Variants in SUMF1 observed in about 807,000 individuals in gnomAD.
SUMF1 encodes sulfatase modifying factor 1, also known as formylglycine-generating enzyme.
Under a neutral mutation model 47.6 loss-of-function variants are expected in SUMF1, and 48 were observed. That is an observed-to-expected ratio of 1.01 (90% CI 0.80 to 1.28). SUMF1 has a LOEUF of 1.28. SUMF1 is among the 50% of genes most tolerant of loss of function. The probability of loss-of-function intolerance (pLI) is 0.00; values close to 1 mark genes in which losing one functional copy is unlikely to be tolerated. For missense variants in SUMF1, 571 were observed against 485.4 expected (o/e 1.18, Z -1.66); for synonymous variants, 230 against 192.1 (o/e 1.20, Z -1.63).
intron 9 of SUMF1, among the ~76,000 whole-genome samples, chr3:4,046,001 T>C (rs1439125204): frequency 6.6e-6 from 1 of 152,116 alleles, no homozygotes; most frequent in Non-Finnish European, 1.5e-5. Flanking sequence ...TATTGAGCTA[T>C]GATTGCACCA....
intron 8 of SUMF1, among the ~76,000 whole-genome samples, chr3:4,086,215 GA>G (rs140931896): frequency 0.03 from 3,021 of 102,280 alleles, 75 homozygotes; most frequent in African/African-American, 0.068. Context: ...CTTAGAATCA[GA>G]AAAAAAAAAA....
At chr3:4,284,097 G>C (rs1018752287) in intron 8 of SUMF1, among the ~76,000 whole-genome samples, 1 of 152,070 alleles carries the variant, frequency 6.6e-6, no homozygotes, top group African/African-American at 2.4e-5. Flanking sequence ...TATCAAGGAG[G>C]AGCTAAGAAC....
chr3:4,166,220 G>A (rs948726384), intron 8 of SUMF1, among the ~76,000 whole-genome samples: 1 of 152,094 alleles, frequency 6.6e-6, no homozygotes, highest in Non-Finnish European at 1.5e-5. Flanking sequence ...TCCCCTGTTA[G>A]TACTGGGACC....
chr3:4,335,096 AAG>A (rs1366906271), intron 8 of SUMF1, among the ~76,000 whole-genome samples: 1 of 152,146 alleles, frequency 6.6e-6, no homozygotes, highest in Non-Finnish European at 1.5e-5. Flanking sequence ...CAGTTGACAT[AAG>A]AGGGGACCAG....
At chr3:4,142,344 T>A (rs1355173910) in intron 8 of SUMF1, among the ~76,000 whole-genome samples, 1 of 152,176 alleles carries the variant, frequency 6.6e-6, no homozygotes, top group Non-Finnish European at 1.5e-5. Context: ...CTGAGAGACA[T>A]TTGACACATT....
chr3:4,178,848 G>C (rs1695030465), intron 8 of SUMF1, among the ~76,000 whole-genome samples: 1 of 152,078 alleles, frequency 6.6e-6, no homozygotes, highest in Admixed American at 6.6e-5. Context: ...CAAAGTCTCA[G>C]GATACAAAAT....
chr3:4,144,612 G>A (rs1337898202), intron 8 of SUMF1, among the ~76,000 whole-genome samples: 1 of 152,068 alleles, frequency 6.6e-6, no homozygotes, highest in African/African-American at 2.4e-5. Context: ...TAATGGGAAA[G>A]GTTAATGCCT....
chr3:4,381,689 G>A (rs754390435), intron 7 of SUMF1, among the ~76,000 whole-genome samples: 1 of 152,186 alleles, frequency 6.6e-6, no homozygotes, highest in Non-Finnish European at 1.5e-5. Context: ...AGTTATGAGT[G>A]AATGTTCTTT....
chr3:4,316,439 G>A (rs372296508), intron 8 of SUMF1: 3 of 1,598,544 alleles, frequency 1.9e-6, no homozygotes, highest in African/African-American at 2.7e-5. Context: ...ACAACGACCA[G>A]TTGAGAGCAA....
intron 8 of SUMF1, among the ~76,000 whole-genome samples, chr3:4,266,297 A>C (rs1013879592): frequency 1.3e-5 from 2 of 151,842 alleles, no homozygotes; most frequent in African/African-American, 4.8e-5. Context: ...GGGGATGGCA[A>C]TGAATCTATA....
chr3:4,442,211 T>C (rs1041828316), intron 3 of SUMF1, among the ~76,000 whole-genome samples: 3 of 151,128 alleles, frequency 2.0e-5, no homozygotes, highest in Non-Finnish European at 4.4e-5. Context: ...AAGGGGCCCA[T>C]GGTAAGAACG....
chr3:4,078,510 A>T (rs57347845), intron 8 of SUMF1, among the ~76,000 whole-genome samples: 8,158 of 152,188 alleles, frequency 0.054, 578 homozygotes, highest in East Asian at 0.19. Flanking sequence ...TAAAAAAATG[A>T]ATAATGCAAT....
intron 1 of SUMF1, among the ~76,000 whole-genome samples, chr3:4,465,745 C>T (rs2079927950): frequency 6.6e-6 from 1 of 152,294 alleles, no homozygotes; most frequent in African/African-American, 2.4e-5. Context: ...AAATCATGGT[C>T]CTGACCCCAT....
intron 8 of SUMF1, among the ~76,000 whole-genome samples, chr3:4,246,996 A>G (rs1696686279): frequency 6.6e-6 from 1 of 152,296 alleles, no homozygotes; most frequent in African/African-American, 2.4e-5. Flanking sequence ...CTTTAAGTAT[A>G]TATCCTGTAC....
In SUMF1 at chr3:4,348,745, C is replaced by T. The variant is rs550832922; in HGVS notation, c.1014+27585G>A. ...AAAAAATTAGCCAGGTGTGGTGGCA[C>T]ATGCCTGTAATCCCAGCTACTCGGG... On this transcript the variant is annotated intron_variant and NMD_transcript_variant, in intron 8 of 12. Transcript: ENST00000448413. Among the ~76,000 whole-genome samples the T allele has an allele frequency of 5.9e-5, 9 of 151,796 alleles. No individual in the cohort carries two copies. The East Asian group carries it at 1.4e-3, about 23-fold the overall frequency.
chr3:4,414,033 T>A (rs1701628810), intron 6 of SUMF1, among the ~76,000 whole-genome samples: 1 of 152,056 alleles, frequency 6.6e-6, no homozygotes. Context: ...CCGGCTAATT[T>A]TTCTGTATTT....
intron 8 of SUMF1, among the ~76,000 whole-genome samples, chr3:4,367,682 C>T (rs1356395890): frequency 1.3e-5 from 2 of 152,134 alleles, no homozygotes; most frequent in Non-Finnish European, 2.9e-5. Context: ...AATAACGCCG[C>T]ATGTCTACAA....
chr3:4,238,606 C>G (rs577994659), intron 8 of SUMF1, among the ~76,000 whole-genome samples: 2 of 152,256 alleles, frequency 1.3e-5, no homozygotes, highest in African/African-American at 4.8e-5. Context: ...CCTTCACCTA[C>G]TTTTTGATGG....
intron 8 of SUMF1, among the ~76,000 whole-genome samples, chr3:4,319,167 A>G (rs1233117843): frequency 6.6e-6 from 1 of 152,250 alleles, no homozygotes; most frequent in Non-Finnish European, 1.5e-5. Context: ...GAAATGTGAC[A>G]TGGTACAGCC....
Sources: gnomAD v4.1 joint callset for allele counts (sites outside exome capture counted in the v4.1 genomes callset) on GRCh38, gnomAD v4.1.1 for gene constraint, MANE v1.5 for transcripts, NCBI Gene and HGNC (gene_info 2026-07-23, HGNC 2026-07-21) for gene names.